Variants in TSHR observed in about 807,000 individuals in gnomAD.
The protein encoded by TSHR is thyroid stimulating hormone receptor.
A neutral mutation model predicts 64.1 loss-of-function variants in TSHR; 51 were observed. That is an observed-to-expected ratio of 0.80 (90% CI 0.64 to 1.01). The LOEUF is 1.01. Among genes scored for constraint, TSHR ranks in the 50% least tolerant of loss-of-function variants. The probability of loss-of-function intolerance (pLI) is 0.00; values close to 1 mark genes in which losing one functional copy is unlikely to be tolerated. For missense variants in TSHR, 877 were observed against 942.8 expected (o/e 0.93, Z 0.91); for synonymous variants, 361 against 361.9 (o/e 1.00, Z 0.03).
At chr14:81,062,262 GT>G in intron 2 of TSHR, 43 bp downstream of exon 2, 1 of 1,455,452 alleles carries the variant, frequency 6.9e-7, no homozygotes, top group Non-Finnish European at 9.6e-7. Flanking sequence ...TTTGTGATAT[GT>G]TATTCTCTAA....
At chr14:81,018,805 G>A (rs4903967) in intron 1 of TSHR, among the ~76,000 whole-genome samples, 112,360 of 152,026 alleles carry the variant, frequency 0.74, 41,982 homozygotes, top group South Asian at 0.8. Context: ...TGAAAAGTTG[G>A]TCACCCTATG....
chr14:81,100,444 A>G (rs1889505197), intron 7 of TSHR, among the ~76,000 whole-genome samples: 1 of 152,204 alleles, frequency 6.6e-6, no homozygotes. Flanking sequence ...TCCCCCACAC[A>G]ACAAGTAATC....
chr14:81,023,344 G>A (rs1372662546), intron 1 of TSHR, among the ~76,000 whole-genome samples: 1 of 152,120 alleles, frequency 6.6e-6, no homozygotes, highest in East Asian at 1.9e-4. Context: ...CTTCCACTGA[G>A]TCCCTCCCAC....
chr14:81,067,644 G>A (rs936901477), intron 2 of TSHR, among the ~76,000 whole-genome samples: 1 of 149,298 alleles, frequency 6.7e-6, no homozygotes, highest in Non-Finnish European at 1.5e-5. Flanking sequence ...AAAAATAAAA[G>A]TATTTGACTC....
chr14:81,102,975 T>C (rs1889681467), intron 7 of TSHR: 3 of 985,374 alleles, frequency 3.0e-6, no homozygotes, highest in Middle Eastern at 5.2e-4. Flanking sequence ...GCTCCTGTTA[T>C]AAAACAATGC....
At chr14:81,087,139 C>G (rs969033174) in intron 3 of TSHR, among the ~76,000 whole-genome samples, 2 of 152,208 alleles carry the variant, frequency 1.3e-5, no homozygotes, top group Admixed American at 6.5e-5. Context: ...ACTGGTACCA[C>G]CAATGACTAG....
chr14:81,117,877 AAATC>A (rs1890596521), intron 8 of TSHR, among the ~76,000 whole-genome samples: 1 of 20,458 alleles, frequency 4.9e-5, no homozygotes, highest in African/African-American at 2.3e-4. Context: ...CAATATACGC[AAATC>A]AATAAATGTA....
At chr14:81,056,554 T>A (rs1298577981) in intron 1 of TSHR, among the ~76,000 whole-genome samples, 1 of 152,082 alleles carries the variant, frequency 6.6e-6, no homozygotes, top group Non-Finnish European at 1.5e-5. Flanking sequence ...ATACAAAAAA[T>A]TATGCTAAAT....
intron 7 of TSHR, among the ~76,000 whole-genome samples, chr14:81,097,636 T>C (rs1889295338): frequency 6.6e-6 from 1 of 152,198 alleles, no homozygotes; most frequent in South Asian, 2.1e-4. Flanking sequence ...TGGCTCTGGA[T>C]GGAGAAGAAC....
At chr14:81,038,549 A>G (rs749457291) in intron 1 of TSHR, among the ~76,000 whole-genome samples, 2 of 151,344 alleles carry the variant, frequency 1.3e-5, no homozygotes, top group Non-Finnish European at 3.0e-5. Flanking sequence ...GAAACAAAGA[A>G]TTATTTTTTA....
intron 2 of TSHR, among the ~76,000 whole-genome samples, chr14:81,068,048 G>A (rs956128999): frequency 4.7e-5 from 7 of 148,576 alleles, no homozygotes; most frequent in African/African-American, 1.8e-4. Context: ...ATAAATAGGA[G>A]TTAATATACA....
intron 1 of TSHR, among the ~76,000 whole-genome samples, chr14:81,023,395 C>A (rs996612047): frequency 1.3e-5 from 2 of 152,102 alleles, no homozygotes; most frequent in African/African-American, 4.8e-5. Context: ...GGGGACACAG[C>A]CAAACCACAT....
chr14:81,082,674 T>C (rs1887996021), intron 3 of TSHR, among the ~76,000 whole-genome samples: 1 of 152,126 alleles, frequency 6.6e-6, no homozygotes, highest in Non-Finnish European at 1.5e-5. Context: ...TGGGGACTGG[T>C]GGAGAGCTAG....
At chr14:81,114,453 A>T (rs1890385983) in intron 8 of TSHR, among the ~76,000 whole-genome samples, 1 of 152,196 alleles carries the variant, frequency 6.6e-6, no homozygotes, top group Non-Finnish European at 1.5e-5. Flanking sequence ...CTCCCACCCG[A>T]ATACTGCGCT....
chr14:80,993,971 T>C (rs544406060), intron 1 of TSHR: 5 of 152,320 alleles, frequency 3.3e-5, no homozygotes, highest in African/African-American at 1.2e-4. Context: ...CTGAGTATGC[T>C]GCCTCTTCTG....
At chr14:81,101,627 A>C (rs889866501) in intron 7 of TSHR, among the ~76,000 whole-genome samples, 77 of 152,334 alleles carry the variant, frequency 5.1e-4, no homozygotes, top group African/African-American at 1.7e-3. Context: ...GCCACAGCCT[A>C]TTCCAGAAGC....
intron 1 of TSHR, among the ~76,000 whole-genome samples, chr14:80,968,378 C>CTT (rs59605693): frequency 3.4e-5 from 5 of 145,958 alleles, no homozygotes; most frequent in African/African-American, 1.2e-4. Context: ...GATGTCCTTA[C>CTT]TTTTTTTTTT....
intron 1 of TSHR, among the ~76,000 whole-genome samples, chr14:80,967,729 A>T (rs1887393699): frequency 6.6e-6 from 1 of 152,076 alleles, no homozygotes; most frequent in Non-Finnish European, 1.5e-5. Context: ...ATCCAACAGG[A>T]TTTTCTAGCG....
intron 3 of TSHR, among the ~76,000 whole-genome samples, chr14:81,070,097 G>A (rs1886948465): frequency 6.6e-6 from 1 of 151,998 alleles, no homozygotes; most frequent in Non-Finnish European, 1.5e-5. Context: ...TGGAGAGAAA[G>A]AGAAAATAAG....
Sources: allele counts gnomAD v4.1 joint callset (sites outside exome capture counted in the v4.1 genomes callset), GRCh38; gene constraint gnomAD v4.1.1; transcripts MANE v1.5; gene names NCBI Gene and HGNC (gene_info 2026-07-23, HGNC 2026-07-21).